KDM5A: variants seen among roughly 807,000 people sequenced by gnomAD.
The protein encoded by KDM5A is lysine demethylase 5A, also known as lysine-specific demethylase 5A.
A neutral mutation model predicts 193.5 loss-of-function variants in KDM5A; 42 were observed. That is an observed-to-expected ratio of 0.22 (90% CI 0.17 to 0.28). The LOEUF (loss-of-function observed/expected upper bound fraction) is 0.28, where lower values mean the gene tolerates loss of function less well. Among genes scored for constraint, KDM5A ranks in the 10% least tolerant of loss-of-function variants. The probability of loss-of-function intolerance (pLI) is 1.00; values close to 1 mark genes in which losing one functional copy is unlikely to be tolerated. For missense variants in KDM5A, 1,692 were observed against 2,055.1 expected (o/e 0.82, Z 3.42); for synonymous variants, 796 against 718.1 (o/e 1.11, Z -1.73).
intron 3 of KDM5A, among the ~76,000 whole-genome samples, chr12:380,956 G>T (rs921840049): frequency 2.4e-4 from 36 of 151,058 alleles, no homozygotes; most frequent in Non-Finnish European, 5.2e-4. Flanking sequence ...CACCACACCT[G>T]GCTAATTTTT....
chr12:342,358 G>A (rs79069725), intron 10 of KDM5A, among the ~76,000 whole-genome samples: 5,083 of 152,274 alleles, frequency 0.033, 127 homozygotes, highest in Middle Eastern at 0.1. Flanking sequence ...CATCTCCTAC[G>A]TGATAGAACT....
At chr12:373,546 A>AT (rs1944460495) in intron 3 of KDM5A, among the ~76,000 whole-genome samples, 1 of 151,964 alleles carries the variant, frequency 6.6e-6, no homozygotes, top group Admixed American at 6.6e-5. Context: ...GGATTCATTG[A>AT]TTTTTTGAAG....
In KDM5A at chr12:280,333, T is replaced by C. The variant is rs921329793; in HGVS notation, c.*5123A>G. The C allele has an allele frequency of 7.3e-5, 17 of 232,938 alleles. No homozygotes were observed. Among genetic ancestry groups the C allele is most frequent in the African/African-American group, 3.8e-4 (17 of 45,314 alleles). 14.4% of individuals were successfully genotyped at this position (232,938 alleles called of 1,614,324 possible). ...AGCAAGACCCCCAAGAAATACTTGA[T>C]CTAAACTGGGAGGGTCCAACACAAT... On this transcript the variant is annotated 3_prime_UTR_variant, in exon 28 of 28. Transcript: ENST00000399788.
rs2137509622 is a variant in KDM5A, at chr12:389,273, G to A, written c.-182C>T. The A allele has an allele frequency of 6.8e-6, 5 of 730,458 alleles. No homozygotes were observed. Among genetic ancestry groups the A allele is most frequent in the South Asian group, 3.0e-5 (2 of 67,708 alleles). 45.2% of individuals were successfully genotyped at this position (730,458 alleles called of 1,614,324 possible). On this transcript the variant is annotated 5_prime_UTR_variant, in exon 1 of 28. Transcript: ENST00000399788. ...TCCCGTTTGTTATTGTTTCTTGCAA[G>A]GCTTTTCCACTGAGGTTCAGGACTT...
chr12:302,416 G>T (rs1046823630), intron 24 of KDM5A, among the ~76,000 whole-genome samples: 6 of 151,718 alleles, frequency 4.0e-5, no homozygotes, highest in East Asian at 1.9e-4. Flanking sequence ...AAAAGAAATG[G>T]GGAAAGGACT....
intron 20 of KDM5A, 84 bp from the exon 21 acceptor site, chr12:311,148 G>C (rs910217395): frequency 4.2e-6 from 5 of 1,188,252 alleles, no homozygotes; most frequent in African/African-American, 3.0e-5. Context: ...ACAAAGTTTA[G>C]TGTTAGTTCT....
intron 15 of KDM5A, 33 bp from the exon 16 acceptor site, chr12:323,239 A>AAAAAAAAAAAAAAAAAAAAC: frequency 2.0e-6 from 3 of 1,472,770 alleles, no homozygotes; most frequent in Non-Finnish European, 2.7e-6. Context: ...AAAAAAAAAA[A>AAAAAAAAAAAAAAAAAAAAC]GAAAACAGAA....
intron 3 of KDM5A, among the ~76,000 whole-genome samples, chr12:368,950 G>A (rs1212295323): frequency 6.6e-6 from 1 of 152,212 alleles, no homozygotes; most frequent in East Asian, 1.9e-4. Context: ...ACAAATGGAG[G>A]AGAGGGTACA....
At chr12:327,421 A>C (rs1160193049) in intron 14 of KDM5A, among the ~76,000 whole-genome samples, 1 of 152,218 alleles carries the variant, frequency 6.6e-6, no homozygotes, top group Non-Finnish European at 1.5e-5. Flanking sequence ...TTAAGAATAC[A>C]AGTATAGGCC....
At chr12:354,330 T>C in intron 7 of KDM5A, 96 bp from the exon 8 acceptor site, 2 of 814,822 alleles carry the variant, frequency 2.5e-6, no homozygotes, top group Non-Finnish European at 3.9e-6. Flanking sequence ...ATAATGCAAC[T>C]GAAAAGTAAA....
rs61571425 is a variant in KDM5A at position 326,864 on chromosome 12, C to CAA, written c.1968+1969_1968+1970dup. Among the ~76,000 whole-genome samples, 97 of 85,986 alleles carry CAA rather than the reference C, an allele frequency of 1.1e-3. 2 individuals are homozygous for CAA. The East Asian group carries it at 0.016, about 15-fold the overall frequency. 56.4% of individuals were successfully genotyped at this position (85,986 alleles called of 152,430 possible). ...TGGGTGACAGAGCTAGACTCTGTCT[C>CAA]AAAAAAAAAAAAAAAAAAAAAAAAA... On this transcript the variant is annotated intron_variant, in intron 14 of 27. Coordinates refer to ENST00000399788, the MANE Select transcript of KDM5A (RefSeq NM_001042603.3).
rs16929148 is a variant in KDM5A at position 283,050 on chromosome 12, G to A, written c.*2406C>T. Reference sequence around the variant, plus strand: ...AAAAGACATATTTAAGTTTCAAAACGTCAGAAGGTGACAGGAAGCTATTCA... The same window carrying A: ...AAAAGACATATTTAAGTTTCAAAACATCAGAAGGTGACAGGAAGCTATTCA... On this transcript the variant is annotated 3_prime_UTR_variant, in exon 28 of 28. Coordinates refer to ENST00000399788, the MANE Select transcript of KDM5A (RefSeq NM_001042603.3). 5.5e-3 allele frequency: 1,269 copies of A among 231,198 alleles called. 41 individuals carry two copies. In the East Asian group the frequency reaches 0.069, roughly 13 times the overall value. 14.3% of individuals were successfully genotyped at this position (231,198 alleles called of 1,614,324 possible). A position where few individuals can be genotyped will look rare whatever the true frequency, so the allele number is the denominator to read the frequency against.
intron 10 of KDM5A, among the ~76,000 whole-genome samples, chr12:335,344 A>T (rs1379976690): frequency 2.6e-5 from 4 of 152,200 alleles, no homozygotes; most frequent in South Asian, 2.1e-4. Flanking sequence ...TCAAAATGGG[A>T]TCCAGAGGAT....
chr12:333,666 C>T lies in KDM5A; in HGVS notation c.1491-17G>A, dbSNP rs138072544. On this transcript the variant is annotated splice_polypyrimidine_tract_variant and intron_variant, in intron 11 of 27. Coordinates refer to ENST00000399788, the MANE Select transcript of KDM5A (RefSeq NM_001042603.3). Reference sequence around the variant, plus strand: ...GGCTCCCCCCTAGCAAAAGAAGTAACTGTTTAGCTAGGCAGAACATGGTAC... The same window carrying T: ...GGCTCCCCCCTAGCAAAAGAAGTAATTGTTTAGCTAGGCAGAACATGGTAC... 8.7e-3 allele frequency: 14,086 copies of T among 1,613,096 alleles called. 82 individuals carry two copies. Among genetic ancestry groups the T allele is most frequent in the Non-Finnish European group, 0.01 (12,114 of 1,179,036 alleles).
At chr12:329,634 G>C (rs1259864009) in intron 13 of KDM5A, among the ~76,000 whole-genome samples, 1 of 151,938 alleles carries the variant, frequency 6.6e-6, no homozygotes, top group African/African-American at 2.4e-5. Context: ...AAGTCTGGCA[G>C]AAAGATAATT....
At position 356,297 on chromosome 12, in the gene KDM5A, T is replaced by C; in HGVS notation, c.778+135A>G. The C allele has an allele frequency of 1.0e-5, 7 of 675,458 alleles. No individual in the cohort carries two copies. In the South Asian group the frequency reaches 1.2e-4, roughly 11 times the overall value. 41.8% of individuals were successfully genotyped at this position (675,458 alleles called of 1,614,324 possible). ...AGAGATCTGGCATTAAAAAAGGCGA[T>C]TTGCCTAGGAACCACATTGCGATTT... On this transcript the variant is annotated intron_variant, in intron 6 of 27. Coordinates refer to ENST00000399788, the MANE Select transcript of KDM5A (RefSeq NM_001042603.3).
intron 10 of KDM5A, among the ~76,000 whole-genome samples, chr12:337,213 G>A (rs1943945402): frequency 1.3e-5 from 2 of 152,154 alleles, no homozygotes; most frequent in Admixed American, 1.3e-4. Context: ...GTTTCCCGAA[G>A]CCTCCTCAGC....
chr12:310,665 A>G (rs1943572692), intron 21 of KDM5A, among the ~76,000 whole-genome samples: 2 of 152,128 alleles, frequency 1.3e-5, no homozygotes, highest in African/African-American at 2.4e-5. Context: ...TTCAATGACT[A>G]GAGTCCAATA....
In KDM5A at chr12:389,315, G is replaced by C; in HGVS notation, c.-224C>G. On this transcript the variant is annotated 5_prime_UTR_variant, in exon 1 of 28. Transcript: ENST00000399788. ...TCAGGACTTTTCCGGAAGTTACCGT[G>C]CTGTCAAATCCCTCCGCCCCCTGCA... 1 of 675,598 alleles carries C rather than the reference G, an allele frequency of 1.5e-6. No individual in the cohort carries two copies. The highest frequency in any genetic ancestry group is 2.7e-5 in the East Asian group (1 of 36,770). The allele number at this position is 675,598 out of a possible 1,614,324, so 41.9% of individuals were successfully genotyped here. A position where few individuals can be genotyped will look rare whatever the true frequency, so the allele number is the denominator to read the frequency against.
Sources: allele counts gnomAD v4.1 joint callset (sites outside exome capture counted in the v4.1 genomes callset), GRCh38; gene constraint gnomAD v4.1.1; transcripts MANE v1.5; gene names NCBI Gene and HGNC (gene_info 2026-07-23, HGNC 2026-07-21).